Variants in NRF1 observed in about 807,000 individuals in gnomAD.
NRF1 encodes the protein nuclear respiratory factor 1.
Under a neutral mutation model 58.5 loss-of-function variants are expected in NRF1, and 5 were observed. The observed-to-expected ratio is 0.09, with a 90% CI of 0.04 to 0.18. The LOEUF (loss-of-function observed/expected upper bound fraction) is 0.18, where lower values mean the gene tolerates loss of function less well. Among genes scored for constraint, NRF1 ranks in the 10% least tolerant of loss-of-function variants. The pLI is 1.00. For missense variants in NRF1, 288 were observed against 657.7 expected (o/e 0.44, Z 6.15); for synonymous variants, 224 against 246.7 (o/e 0.91, Z 0.86).
intron 1 of NRF1, among the ~76,000 whole-genome samples, chr7:129,627,473 T>G (rs1384000974): frequency 6.6e-6 from 1 of 152,082 alleles, no homozygotes; most frequent in Non-Finnish European, 1.5e-5. Context: ...CTCCAAAGTG[T>G]TGGGATTACA....
intron 10 of NRF1, among the ~76,000 whole-genome samples, chr7:129,730,259 G>A (rs1180527548): frequency 6.6e-6 from 1 of 151,776 alleles, no homozygotes; most frequent in Non-Finnish European, 1.5e-5. Context: ...TCTCGGGCTC[G>A]AGCGATCCTC....
intron 4 of NRF1, among the ~76,000 whole-genome samples, chr7:129,688,972 T>C (rs1584642671): frequency 6.6e-6 from 1 of 152,264 alleles, no homozygotes; most frequent in South Asian, 2.1e-4. Flanking sequence ...AAATACTATC[T>C]AGACTACAGG....
In NRF1 at chr7:129,733,506, A is replaced by G. The variant is rs192716803; in HGVS notation, c.1348+6141A>G. On this transcript the variant is annotated intron_variant, in intron 10 of 10. Coordinates refer to ENST00000393232, the MANE Select transcript of NRF1 (RefSeq NM_005011.5). ...AAGGAAAGAAAACCCTATCTTAGCC[A>G]TTTTTTATGCTAACAAGCCTTTAAA... is the stretch of plus-strand genomic sequence containing the variant. Among the ~76,000 whole-genome samples, 690 of 151,740 alleles carry G rather than the reference A, an allele frequency of 4.5e-3. 1 individual carries two copies. The highest frequency in any genetic ancestry group is 7.6e-3 in the Non-Finnish European group (519 of 67,904).
intron 5 of NRF1, among the ~76,000 whole-genome samples, chr7:129,701,667 G>A (rs945156553): frequency 6.6e-6 from 1 of 152,052 alleles, no homozygotes; most frequent in Non-Finnish European, 1.5e-5. Flanking sequence ...AATGGGTATT[G>A]TCTGGTACTC....
At chr7:129,728,727 G>GATT (rs1199400756) in intron 10 of NRF1, among the ~76,000 whole-genome samples, 1 of 152,176 alleles carries the variant, frequency 6.6e-6, no homozygotes, top group African/African-American at 2.4e-5. Context: ...GAATAACATA[G>GATT]GAAATGCAAA....
At chr7:129,729,564 C>T (rs911019417) in intron 10 of NRF1, among the ~76,000 whole-genome samples, 4 of 152,202 alleles carry the variant, frequency 2.6e-5, no homozygotes, top group African/African-American at 4.8e-5. Flanking sequence ...TGAGTTGTGC[C>T]GTATCCCAGC....
intron 1 of NRF1, among the ~76,000 whole-genome samples, chr7:129,656,064 A>T (rs529518288): frequency 6.6e-6 from 1 of 152,070 alleles, no homozygotes; most frequent in African/African-American, 2.4e-5. Context: ...TGCTATGAAC[A>T]TGGGTGTACA....
At chr7:129,729,268 T>C (rs1396213626) in intron 10 of NRF1, among the ~76,000 whole-genome samples, 1 of 152,206 alleles carries the variant, frequency 6.6e-6, no homozygotes, top group African/African-American at 2.4e-5. Flanking sequence ...CTCGGCCAAG[T>C]AGAACCGTTC....
intron 5 of NRF1, among the ~76,000 whole-genome samples, chr7:129,700,804 T>A (rs1802806684): frequency 6.6e-6 from 1 of 152,154 alleles, no homozygotes; most frequent in Admixed American, 6.5e-5. Flanking sequence ...TAGTCCCACC[T>A]ACTCAGGAGG....
chr7:129,693,455 C>T (rs961555805), intron 5 of NRF1, among the ~76,000 whole-genome samples: 26 of 152,122 alleles, frequency 1.7e-4, no homozygotes, highest in East Asian at 3.8e-4. Context: ...ACCCACGTCC[C>T]GCAAGACGCA....
At chr7:129,737,565 C>T (rs1803746669) in intron 10 of NRF1, among the ~76,000 whole-genome samples, 1 of 145,844 alleles carries the variant, frequency 6.9e-6, no homozygotes, top group Non-Finnish European at 1.5e-5. Flanking sequence ...TAAAACACAT[C>T]TCCTTCCACC....
intron 5 of NRF1, among the ~76,000 whole-genome samples, chr7:129,695,268 G>C (rs1036781146): frequency 5.9e-5 from 9 of 151,576 alleles, no homozygotes; most frequent in African/African-American, 1.9e-4. Flanking sequence ...TAGAACTTTG[G>C]AGGGATGCAC....
chr7:129,717,142 C>G (rs1803211273), intron 8 of NRF1, 77 bp from the exon 9 acceptor site: 1 of 1,431,660 alleles, frequency 7.0e-7, no homozygotes, highest in Non-Finnish European at 9.4e-7. Flanking sequence ...CAAAAAGTAG[C>G]AATTATTAGA....
chr7:129,628,778 A>C (rs1800978586), intron 1 of NRF1, among the ~76,000 whole-genome samples: 1 of 152,234 alleles, frequency 6.6e-6, no homozygotes, highest in Non-Finnish European at 1.5e-5. Flanking sequence ...CTTAAAGATG[A>C]GTTGCAATGT....
intron 1 of NRF1, 60 bp downstream of exon 1, chr7:129,611,884 GCCCGCCCGCCGGCCGGCCGGCCCGC>G (rs1341583168): frequency 6.7e-6 from 1 of 149,104 alleles, no homozygotes; most frequent in African/African-American, 2.4e-5. Flanking sequence ...GCAACACGCC[GCCCGCCCGCCGGCCGGCCGGCCCGC>G]CCCGCAGCCG....
intron 4 of NRF1, among the ~76,000 whole-genome samples, chr7:129,682,889 A>G (rs980331903): frequency 2.6e-5 from 4 of 152,176 alleles, no homozygotes; most frequent in African/African-American, 9.7e-5. Flanking sequence ...GAAAAATTAC[A>G]TAAATGGATT....
intron 3 of NRF1, among the ~76,000 whole-genome samples, chr7:129,674,779 C>G (rs1433559725): frequency 6.6e-6 from 1 of 152,170 alleles, no homozygotes; most frequent in Non-Finnish European, 1.5e-5. Flanking sequence ...TCATCTGAGC[C>G]TGCAGTGACT....
At chr7:129,618,742 A>C (rs968468410) in intron 1 of NRF1, among the ~76,000 whole-genome samples, 4 of 152,112 alleles carry the variant, frequency 2.6e-5, no homozygotes, top group Admixed American at 6.5e-5. Context: ...TTTATCCAAA[A>C]TGCTTAGGAC....
intron 4 of NRF1, among the ~76,000 whole-genome samples, chr7:129,683,337 G>GAGAGAGAGAA (rs1162952655): frequency 1.3e-5 from 2 of 150,798 alleles, no homozygotes; most frequent in Non-Finnish European, 3.0e-5. Flanking sequence ...GAGAGAGAGA[G>GAGAGAGAGAA]AGAGAGAGAA....
Sources: allele counts gnomAD v4.1 joint callset (sites outside exome capture counted in the v4.1 genomes callset), GRCh38; gene constraint gnomAD v4.1.1; transcripts MANE v1.5; gene names NCBI Gene and HGNC (gene_info 2026-07-23, HGNC 2026-07-21).